ECM1: variants seen among roughly 807,000 people sequenced by gnomAD.
ECM1 encodes extracellular matrix protein 1.
In ECM1, 54 loss-of-function variants were observed where a neutral mutation model predicts 57.9. The ratio of observed to expected loss-of-function variants is 0.93; its 90% CI spans 0.75 to 1.17. The LOEUF is 1.17. ECM1 is among the 50% of genes most tolerant of loss of function. The probability of loss-of-function intolerance (pLI) is 0.00; values close to 1 mark genes in which losing one functional copy is unlikely to be tolerated. For synonymous variants in ECM1, 237 were observed against 259.1 expected (o/e 0.91, Z 0.82); for missense variants, 649 against 688.1 (o/e 0.94, Z 0.64).
Position 150,508,136 on chromosome 1 carries a change from A to G in ECM1, c.-74A>G, listed in dbSNP as rs1244020829. ...CCGTAACAGCCACCAGACAAGCTTC[A>G]GTGGCCGGCCCTTCACATCCAGACT... On this transcript the variant is annotated 5_prime_UTR_variant, in exon 1 of 10. Transcript: ENST00000369047. The G allele has an allele frequency of 7.2e-7, 1 of 1,395,782 alleles. No homozygotes were observed. The allele number at this position is 1,395,782 out of a possible 1,614,324, so 86.5% of individuals were successfully genotyped here.
rs1670502555 is a variant in ECM1, at chr1:150,513,565, C to T, written c.*98C>T. ...CTAAACACCTCTTGGATTTGGTGTC[C>T]TCATTGTCTATCTAATGTCTCACCC... On this transcript the variant is annotated 3_prime_UTR_variant, in exon 10 of 10. Coordinates refer to ENST00000369047, the MANE Select transcript of ECM1 (RefSeq NM_004425.4). 4.3e-6 allele frequency: 5 copies of T among 1,161,584 alleles called. No individual in the cohort carries two copies. Among genetic ancestry groups the T allele is most frequent in the Non-Finnish European group, 4.9e-6 (4 of 820,970 alleles). The allele number at this position is 1,161,584 out of a possible 1,614,324, so 72.0% of individuals were successfully genotyped here.
chr1:150,512,922 A>ACC, intron 9 of ECM1, 110 bp downstream of exon 9: 1 of 1,242,178 alleles, frequency 8.1e-7, no homozygotes, highest in East Asian at 2.3e-5. Context: ...TTTGGTTATA[A>ACC]TGACTAGTGG....
intron 5 of ECM1, chr1:150,510,648 G>A (rs747043492): frequency 3.2e-6 from 2 of 618,726 alleles, no homozygotes; most frequent in Non-Finnish European, 2.9e-6. Flanking sequence ...CGAGCCTTGA[G>A]AAGCAGGAGG....
chr1:150,509,435 T>C (rs1251152361), intron 1 of ECM1, 96 bp from the exon 2 acceptor site: 2 of 1,373,980 alleles, frequency 1.5e-6, no homozygotes, highest in Non-Finnish European at 2.1e-6. Flanking sequence ...CTTGCTTGTC[T>C]GTCCTACACT....
Position 150,513,579 on chromosome 1 carries a change from A to G in ECM1, c.*112A>G. ...GATTTGGTGTCCTCATTGTCTATCT[A>G]ATGTCTCACCCGCAGTGTTTTAAGT... is the stretch of plus-strand genomic sequence containing the variant. On this transcript the variant is annotated 3_prime_UTR_variant, in exon 10 of 10. Transcript: ENST00000369047. 1 of 1,060,468 alleles carries G rather than the reference A, an allele frequency of 9.4e-7. No individual in the cohort carries two copies. Among genetic ancestry groups the G allele is most frequent in the Non-Finnish European group, 1.4e-6 (1 of 733,812 alleles). 65.7% of individuals were successfully genotyped at this position (1,060,468 alleles called of 1,614,324 possible).
chr1:150,509,307 T>C (rs1471548709), intron 1 of ECM1: 1 of 616,978 alleles, frequency 1.6e-6, no homozygotes, highest in Non-Finnish European at 2.9e-6. Flanking sequence ...CCAGTAGAGG[T>C]GGAGCTATCA....
rs759100588 is a variant in ECM1 at position 150,511,804 on chromosome 1, G to A, written c.1056G>A (p.Gly352=). 1 of 1,612,272 alleles carries A rather than the reference G, an allele frequency of 6.2e-7. No individual in the cohort carries two copies. Among genetic ancestry groups the A allele is most frequent in the Non-Finnish European group, 8.5e-7 (1 of 1,178,844 alleles). Residue 352 remains glycine, a synonymous_variant, in exon 7 of 10, where the codon GGG becomes GGA. Transcript: ENST00000369047. The stretch of plus-strand genomic sequence containing the variant: ...AGTTCCAGCGCTGCTGCCGCCAGGG[G>A]AACAATCACACCTGTACATGGAAGG... ...EREFQRCCRQ[G]NNHTCTWKAW... is the part of the protein sequence containing the mutation.
chr1:150,508,428 G>A, intron 1 of ECM1, 149 bp downstream of exon 1: 1 of 786,874 alleles, frequency 1.3e-6, no homozygotes. Flanking sequence ...CTAGGCCAGT[G>A]GAGCCTTTAA....
In ECM1 at chr1:150,511,581, A is replaced by G. The variant is rs746885747; in HGVS notation, c.833A>G (p.His278Arg). 2.4e-5 allele frequency: 38 copies of G among 1,614,014 alleles called. No individual in the cohort carries two copies. Among genetic ancestry groups the G allele is most frequent in the Non-Finnish European group, 3.1e-5 (37 of 1,180,016 alleles). ...SCFQEEAPQP[H>R]YQLRACPSHQ... ...TTCCAGGAGGAAGCTCCCCAGCCACACTACCAGCTCCGGGCCTGCCCCAGC... is the reference window on the plus strand; with the variant it reads ...TTCCAGGAGGAAGCTCCCCAGCCACGCTACCAGCTCCGGGCCTGCCCCAGC... Residue 278 changes from histidine to arginine, a missense_variant, in exon 7 of 10, where the codon CAC becomes CGC. By Grantham distance (29) the His-to-Arg change is conservative. Coordinates refer to ENST00000369047, the MANE Select transcript of ECM1 (RefSeq NM_004425.4).
At chr1:150,509,849 A>G (rs1219188644) in intron 3 of ECM1, 73 bp from the exon 4 acceptor site, 1 of 1,613,716 alleles carries the variant, frequency 6.2e-7, no homozygotes, top group Non-Finnish European at 8.5e-7. Flanking sequence ...AAAGGAGGGA[A>G]GAGGCCCTCG....
chr1:150,509,724 C>T lies in ECM1; in HGVS notation c.185C>T (p.Ser62Phe). ...SRSLPMDHPD[S>F]SQHGPPFEGQ... ...AGCCTCCCCATGGATCACCCTGACT[C>T]CTCTCAGCATGGCCCTCCCTTTGAG... Residue 62 changes from serine to phenylalanine, a missense_variant, in exon 3 of 10, where the codon TCC (serine) becomes TTC (phenylalanine). Physicochemically the swap from Ser to Phe is radical, Grantham distance 155. Coordinates refer to ENST00000369047, the MANE Select transcript of ECM1 (RefSeq NM_004425.4). 6.3e-7 allele frequency: 1 copy of T among 1,588,890 alleles called. No homozygotes were observed. Among genetic ancestry groups the T allele is most frequent in the Non-Finnish European group, 8.6e-7 (1 of 1,164,526 alleles).
chr1:150,511,202 AGGTTG>A lies in ECM1; in HGVS notation c.708+9_708+13del. 1 of 1,614,112 alleles carries A rather than the reference AGGTTG, an allele frequency of 6.2e-7. No individual in the cohort carries two copies. Among genetic ancestry groups the A allele is most frequent in the Non-Finnish European group, 8.5e-7 (1 of 1,180,018 alleles). On this transcript the variant is annotated splice_donor_5th_base_variant and intron_variant, in intron 6 of 9. Coordinates refer to ENST00000369047, the MANE Select transcript of ECM1 (RefSeq NM_004425.4). ...CCTAGAGTGTGCCAAACTTGTGGTA[AGGTTG>A]GGTTCTTGATGCCGGGGGGTGTCCT...
chr1:150,513,099 C>A lies in ECM1; in HGVS notation c.1393-138C>A. ...CAGCTGTGCAAGGCAGTCTTGTACT[C>A]TCTCTGGGCCCCAGGAGGGGAACGA... On this transcript the variant is annotated intron_variant, in intron 9 of 9. Transcript: ENST00000369047. The A allele has an allele frequency of 4.3e-6, 4 of 938,318 alleles. No individual in the cohort carries two copies. In the South Asian group the frequency reaches 4.4e-5, roughly 10 times the overall value. 58.1% of individuals were successfully genotyped at this position (938,318 alleles called of 1,614,324 possible). A position where few individuals can be genotyped will look rare whatever the true frequency, so the allele number is the denominator to read the frequency against.
In ECM1 at chr1:150,511,664, T is replaced by C. The variant is rs1670447001; in HGVS notation, c.916T>C (p.Leu306=). 5 of 1,614,120 alleles carry C rather than the reference T, an allele frequency of 3.1e-6. No individual in the cohort carries two copies. The South Asian group carries it at 3.3e-5, about 11-fold the overall frequency. ...GCCTTTCCCTCCTGGGGTGCCCACA[T>C]TGGACAATATCAAGAACATCTGCCA... ...ELPFPPGVPT[L]DNIKNICHLR... The change falls in exon 7 of 10, where the codon TTG becomes CTG. Residue 306 remains leucine, a synonymous_variant. Transcript: ENST00000369047.
chr1:150,509,274 T>A (rs1472038822), intron 1 of ECM1: 4 of 575,880 alleles, frequency 6.9e-6, no homozygotes, highest in Admixed American at 2.9e-5. Flanking sequence ...TATGCCATAC[T>A]CCCTTTAGGC....
chr1:150,513,479 G>A lies in ECM1; in HGVS notation c.*12G>A, dbSNP rs1375184388. Reference sequence around the variant, plus strand: ...CCAAGGAAGAATGAGTCACCCCAGAGCCCTAGAGGGTCAGATGGGGGGAAC... The same window carrying A: ...CCAAGGAAGAATGAGTCACCCCAGAACCCTAGAGGGTCAGATGGGGGGAAC... On this transcript the variant is annotated 3_prime_UTR_variant, in exon 10 of 10. Transcript: ENST00000369047. The A allele has an allele frequency of 6.2e-7, 1 of 1,609,790 alleles. No individual in the cohort carries two copies. Among genetic ancestry groups the A allele is most frequent in the Non-Finnish European group, 8.5e-7 (1 of 1,178,554 alleles).
intron 9 of ECM1, 81 bp from the exon 10 acceptor site, chr1:150,513,156 G>T: frequency 2.1e-6 from 3 of 1,440,560 alleles, no homozygotes; most frequent in Non-Finnish European, 2.0e-6. Context: ...ATGAAAGGGG[G>T]ACTTTGGCAC....
chr1:150,512,803 A>G lies in ECM1; in HGVS notation c.1383A>G (p.Ala461=). ...DLPFPEQACC[A]EEEKLTFIND... ...CATTTCCAGAACAGGCCTGCTGTGCAGAGGAGGAGGTGAGTGTGTGGAGTC... is the reference window on the plus strand; with the variant it reads ...CATTTCCAGAACAGGCCTGCTGTGCGGAGGAGGAGGTGAGTGTGTGGAGTC... Residue 461 remains alanine (A), a synonymous_variant, in exon 9 of 10, where the codon GCA becomes GCG. Transcript: ENST00000369047. 1 of 1,614,150 alleles carries G rather than the reference A, an allele frequency of 6.2e-7. No individual in the cohort carries two copies. The highest frequency in any genetic ancestry group is 8.5e-7 in the Non-Finnish European group (1 of 1,180,034).
In ECM1 at chr1:150,513,366, G is replaced by T; in HGVS notation, c.1522G>T (p.Ala508Ser). The T allele has an allele frequency of 6.2e-7, 1 of 1,614,224 alleles. No homozygotes were observed. Among genetic ancestry groups the T allele is most frequent in the Non-Finnish European group, 8.5e-7 (1 of 1,180,040 alleles). The change falls in exon 10 of 10, where the codon GCT becomes TCT. Residue 508 changes from alanine (A) to serine (S), a missense_variant. By Grantham distance (99) the Ala-to-Ser change is moderately conservative. Coordinates refer to ENST00000369047, the MANE Select transcript of ECM1 (RefSeq NM_004425.4). ...CAACATCAATTATCTGAGGAACGTG[G>T]CTCTAGTGTCTGGAGACACTGAGAA... ...CFNINYLRNV[A>S]LVSGDTENAK...
Sources: gnomAD v4.1 joint callset for allele counts on GRCh38, gnomAD v4.1.1 for gene constraint, MANE v1.5 for transcripts, NCBI Gene and HGNC (gene_info 2026-07-23, HGNC 2026-07-21) for gene names.